The following CDYL variants were observed in gnomAD, a reference collection of about 807,000 sequenced individuals.
CDYL encodes the protein chromodomain Y like.
A neutral mutation model predicts 47.3 loss-of-function variants in CDYL; 8 were observed. The observed-to-expected ratio is 0.17, with a 90% CI of 0.10 to 0.31. The LOEUF is 0.31. Ranked by LOEUF, CDYL falls within the 10% of genes least tolerant of loss-of-function variation. The pLI is 1.00. For missense variants in CDYL, 471 were observed against 701.4 expected (o/e 0.67, Z 3.71); for synonymous variants, 266 against 265.0 (o/e 1.00, Z -0.04).
chr6:4,724,863 G>C (rs888750308), intron 2 of CDYL: 3 of 152,114 alleles, frequency 2.0e-5, no homozygotes, highest in Admixed American at 6.5e-5. Context: ...CCAAACCGTG[G>C]AAAAAGACCA....
chr6:4,743,827 CAG>C (rs1329181180), intron 3 of CDYL, among the ~76,000 whole-genome samples: 1 of 152,146 alleles, frequency 6.6e-6, no homozygotes, highest in Non-Finnish European at 1.5e-5. Flanking sequence ...TGTGGCTTGT[CAG>C]ATGTGTAGTA....
intron 5 of CDYL, among the ~76,000 whole-genome samples, chr6:4,951,393 TTGAA>T (rs1309628239): frequency 1.3e-5 from 2 of 152,048 alleles, no homozygotes; most frequent in Non-Finnish European, 2.9e-5. Context: ...AGCCTGTCAT[TTGAA>T]TGATGTAAAA....
At chr6:4,884,793 ACTGT>A (rs1311591830) in intron 1 of CDYL, among the ~76,000 whole-genome samples, 2 of 152,108 alleles carry the variant, frequency 1.3e-5, no homozygotes, top group South Asian at 2.1e-4. Flanking sequence ...TTTTTACCTG[ACTGT>A]CTTTGTATTG....
chr6:4,774,619 G>A (rs1307996999), upstream of CDYL: 2 of 152,124 alleles, frequency 1.3e-5, no homozygotes, highest in Non-Finnish European at 2.9e-5. Context: ...GCTTTCTCGT[G>A]GACACTGAAA....
intron 1 of CDYL, among the ~76,000 whole-genome samples, chr6:4,823,356 C>T (rs1343028016): frequency 2.0e-5 from 3 of 152,160 alleles, no homozygotes; most frequent in Admixed American, 6.5e-5. Context: ...CTAGGGGTGA[C>T]TTTTGGTCTG....
intron 1 of CDYL, among the ~76,000 whole-genome samples, chr6:4,879,547 G>C (rs1454182819): frequency 7.4e-6 from 1 of 134,810 alleles, no homozygotes; most frequent in African/African-American, 2.8e-5. Flanking sequence ...TTTCTTTTTT[G>C]TGGGGTTTTT....
At chr6:4,713,717 A>G (rs1757200631) in intron 1 of CDYL, among the ~76,000 whole-genome samples, 1 of 151,632 alleles carries the variant, frequency 6.6e-6, no homozygotes, top group Non-Finnish European at 1.5e-5. Context: ...CCCCCCAAGT[A>G]GCTGGGATTA....
chr6:4,917,828 C>A (rs778447079), intron 2 of CDYL, among the ~76,000 whole-genome samples: 1 of 152,158 alleles, frequency 6.6e-6, no homozygotes, highest in Non-Finnish European at 1.5e-5. Context: ...TACAGATGTA[C>A]TTCCAAATGA....
chr6:4,751,263 G>A (rs963391537), intron 3 of CDYL, among the ~76,000 whole-genome samples: 1 of 152,126 alleles, frequency 6.6e-6, no homozygotes, highest in Non-Finnish European at 1.5e-5. Context: ...ACAAACTGTG[G>A]TCCCTGGAGT....
intron 1 of CDYL, among the ~76,000 whole-genome samples, chr6:4,792,944 A>G (rs1053969859): frequency 9.2e-5 from 14 of 152,028 alleles, no homozygotes; most frequent in Admixed American, 2.0e-4. Context: ...ATCTCTCCCC[A>G]TTATTTGCCA....
chr6:4,738,846 C>T (rs1045100847), intron 3 of CDYL, among the ~76,000 whole-genome samples: 4 of 152,330 alleles, frequency 2.6e-5, no homozygotes, highest in South Asian at 4.1e-4. Flanking sequence ...CAGATTTATA[C>T]GTAGCGACAT....
At chr6:4,719,345 G>C (rs1203846114) in intron 2 of CDYL, among the ~76,000 whole-genome samples, 1 of 152,188 alleles carries the variant, frequency 6.6e-6, no homozygotes, top group Non-Finnish European at 1.5e-5. Flanking sequence ...TAGGTCGAAA[G>C]ATGTGGTTAA....
At chr6:4,904,091 G>T (rs542911944) in intron 2 of CDYL, among the ~76,000 whole-genome samples, 1 of 152,326 alleles carries the variant, frequency 6.6e-6, no homozygotes, top group Admixed American at 6.5e-5. Flanking sequence ...GCCATGCCAC[G>T]CTGTCTGCAG....
chr6:4,816,382 GA>G (rs1229844463), intron 1 of CDYL, among the ~76,000 whole-genome samples: 2 of 151,708 alleles, frequency 1.3e-5, no homozygotes, highest in Non-Finnish European at 2.9e-5. Context: ...ATAGCCCCAA[GA>G]AACTACTACT....
At chr6:4,824,749 G>A (rs1053300706) in intron 1 of CDYL, among the ~76,000 whole-genome samples, 7 of 151,280 alleles carry the variant, frequency 4.6e-5, no homozygotes, top group African/African-American at 1.7e-4. Flanking sequence ...TTCTTTTGCT[G>A]TTCATCCTTT....
intron 1 of CDYL, among the ~76,000 whole-genome samples, chr6:4,884,179 A>G (rs948618009): frequency 3.9e-5 from 6 of 152,190 alleles, no homozygotes; most frequent in African/African-American, 1.4e-4. Flanking sequence ...TTGCTAACAC[A>G]TCTTGTATTA....
At chr6:4,876,860 T>C (rs927938830) in intron 1 of CDYL, among the ~76,000 whole-genome samples, 2 of 152,236 alleles carry the variant, frequency 1.3e-5, no homozygotes, top group Non-Finnish European at 2.9e-5. Context: ...TGAATGTTTG[T>C]GTCCTGCCAA....
chr6:4,916,583 C>T (rs1387348756), intron 2 of CDYL, among the ~76,000 whole-genome samples: 1 of 140,238 alleles, frequency 7.1e-6, no homozygotes, highest in Admixed American at 7.5e-5. Flanking sequence ...CAGAATGACG[C>T]CTGGAAGGGT....
In CDYL at chr6:4,804,035, C is replaced by T. The variant is rs528580505; in HGVS notation, c.24+27228C>T. On this transcript the variant is annotated intron_variant, in intron 1 of 6. Coordinates refer to ENST00000397588, the MANE Select transcript of CDYL (RefSeq NM_004824.4). ...TTGATTTTTAAAATACTTTGTTTGC[C>T]GTGCATGTTTTAAGAGTTTGCTCTC... Among the ~76,000 whole-genome samples, 9 of 147,520 alleles carry T rather than the reference C, an allele frequency of 6.1e-5. No homozygotes were observed. The East Asian group carries it at 1.0e-3, about 16-fold the overall frequency.
Sources: gnomAD v4.1 joint callset for allele counts (sites outside exome capture counted in the v4.1 genomes callset) on GRCh38, gnomAD v4.1.1 for gene constraint, MANE v1.5 for transcripts, NCBI Gene and HGNC (gene_info 2026-07-23, HGNC 2026-07-21) for gene names.